BBS9: variants seen among roughly 807,000 people sequenced by gnomAD.
BBS9 encodes the protein Bardet-Biedl syndrome 9.
In BBS9, 89 loss-of-function variants were observed where a neutral mutation model predicts 117.7. That is an observed-to-expected ratio of 0.76 (90% CI 0.64 to 0.90). The LOEUF (loss-of-function observed/expected upper bound fraction) is 0.90, where lower values mean the gene tolerates loss of function less well. Among genes scored for constraint, BBS9 ranks in the 40% least tolerant of loss-of-function variants. The pLI, the probability that BBS9 is intolerant of heterozygous loss-of-function variation, is 0.00. For missense variants in BBS9, 982 were observed against 1,042.2 expected, an observed-to-expected ratio of 0.94 and a Z score of 0.80; for synonymous variants, 379 against 370.9, an observed-to-expected ratio of 1.02 and a Z score of -0.25.
At chr7:33,599,232 A>G (rs891865866) in intron 21 of BBS9, among the ~76,000 whole-genome samples, 3 of 152,232 alleles carry the variant, frequency 2.0e-5, no homozygotes, top group Admixed American at 2.0e-4. Flanking sequence ...AGTAAAATAG[A>G]TTAGCCAACT....
chr7:33,143,335 A>G (rs1791817974), intron 1 of BBS9, among the ~76,000 whole-genome samples: 1 of 151,982 alleles, frequency 6.6e-6, no homozygotes, highest in South Asian at 2.1e-4. Context: ...TTATATTCCC[A>G]CCAACAGCGT....
chr7:33,267,492 A>G (rs1261061051), intron 7 of BBS9, among the ~76,000 whole-genome samples: 1 of 147,298 alleles, frequency 6.8e-6, no homozygotes, highest in Non-Finnish European at 1.5e-5. Flanking sequence ...ATTCTATTTT[A>G]TCTTTGTTGG....
At chr7:33,566,580 G>A (rs969098220) in intron 21 of BBS9, among the ~76,000 whole-genome samples, 1 of 151,962 alleles carries the variant, frequency 6.6e-6, no homozygotes, top group African/African-American at 2.4e-5. Flanking sequence ...TGATTTGAAA[G>A]GTAGAGATAA....
chr7:33,177,381 T>C (rs1583483013), intron 4 of BBS9, 97 bp from the exon 5 acceptor site: 1 of 812,142 alleles, frequency 1.2e-6, no homozygotes, highest in East Asian at 2.6e-5. Flanking sequence ...CATTATAATT[T>C]CCCTAAAATT....
chr7:33,564,302 A>C (rs1856539247), intron 21 of BBS9, among the ~76,000 whole-genome samples: 1 of 152,210 alleles, frequency 6.6e-6, no homozygotes, highest in South Asian at 2.1e-4. Flanking sequence ...AAGGGATTTT[A>C]ATACAACACA....
chr7:33,610,564 A>T (rs559947569), downstream of BBS9, among the ~76,000 whole-genome samples: 12 of 152,216 alleles, frequency 7.9e-5, no homozygotes, highest in Admixed American at 7.9e-4. Flanking sequence ...TAATGAACCC[A>T]CTTTCAAGAT....
intron 21 of BBS9, among the ~76,000 whole-genome samples, chr7:33,548,311 G>T (rs1853750488): frequency 6.6e-6 from 1 of 152,040 alleles, no homozygotes; most frequent in Admixed American, 6.5e-5. Context: ...TCTGTAAAAT[G>T]CCCATTTTTA....
chr7:33,351,194 T>A lies in BBS9; in HGVS notation c.1433-25T>A, dbSNP rs745755186. The A allele has an allele frequency of 2.7e-6, 4 of 1,480,682 alleles. No homozygotes were observed. In the South Asian group the frequency reaches 3.4e-5, roughly 13 times the overall value. The allele number at this position is 1,480,682 out of a possible 1,614,324, so 91.7% of individuals were successfully genotyped here. A position where few individuals can be genotyped will look rare whatever the true frequency, so the allele number is the denominator to read the frequency against. On this transcript the variant is annotated intron_variant, in intron 13 of 22. Coordinates refer to ENST00000242067, the MANE Select transcript of BBS9 (RefSeq NM_198428.3). ...AACAGTTGCCCCAAATTATGTAATT[T>A]ATATTATTTTTACATTGCTTATAGC...
chr7:33,425,679 G>A (rs566793129), intron 19 of BBS9, among the ~76,000 whole-genome samples: 3 of 152,326 alleles, frequency 2.0e-5, no homozygotes, highest in African/African-American at 4.8e-5. Flanking sequence ...AACTAAAGGC[G>A]CTGTTATGAG....
intron 21 of BBS9, among the ~76,000 whole-genome samples, chr7:33,611,877 C>A (rs1864898135): frequency 1.4e-5 from 2 of 139,478 alleles, no homozygotes; most frequent in East Asian, 2.1e-4. Context: ...AAATATAATC[C>A]TTTAATATTA....
chr7:33,438,262 C>A (rs910276586), intron 19 of BBS9, among the ~76,000 whole-genome samples: 1 of 152,106 alleles, frequency 6.6e-6, no homozygotes, highest in Non-Finnish European at 1.5e-5. Flanking sequence ...ATATTTTTAA[C>A]CTCAGGGTAG....
chr7:33,304,922 A>G lies in BBS9; in HGVS notation c.1016+30966A>G, dbSNP rs574678541. Among the ~76,000 whole-genome samples, 157 of 152,222 alleles carry G rather than the reference A, an allele frequency of 1.0e-3. 1 individual carries two copies. Among genetic ancestry groups the G allele is most frequent in the Non-Finnish European group, 1.8e-3 (123 of 67,994 alleles). The stretch of plus-strand genomic sequence containing the variant: ...GTGCAAGATGTGCTTTGTTAAACAG[A>G]TGCTTGAAGGCAGCATGCTCGTTAA... On this transcript the variant is annotated intron_variant, in intron 9 of 22. Transcript: ENST00000242067.
intron 5 of BBS9, among the ~76,000 whole-genome samples, chr7:33,219,055 G>GC (rs1165556018): frequency 1.3e-5 from 2 of 152,226 alleles, no homozygotes; most frequent in African/African-American, 4.8e-5. Context: ...GGCTTGGCGG[G>GC]CCCCGCACTC....
chr7:33,628,020 C>CA (rs1260878158), intron 21 of BBS9, among the ~76,000 whole-genome samples: 3 of 150,982 alleles, frequency 2.0e-5, no homozygotes, highest in Middle Eastern at 3.4e-3. Context: ...GACTCTGTCT[C>CA]AAAAAAAAAT....
chr7:33,278,535 A>G (rs1425603342), intron 9 of BBS9, among the ~76,000 whole-genome samples: 17 of 152,208 alleles, frequency 1.1e-4, no homozygotes, highest in Non-Finnish European at 4.4e-5. Flanking sequence ...TCCTGAGACT[A>G]GATGAGTTCA....
intron 4 of BBS9, among the ~76,000 whole-genome samples, chr7:33,159,179 CTTGAT>C (rs1244304424): frequency 6.6e-6 from 1 of 152,048 alleles, no homozygotes; most frequent in Non-Finnish European, 1.5e-5. Flanking sequence ...TTAGGCTAAA[CTTGAT>C]TTAACAATTT....
intron 9 of BBS9, among the ~76,000 whole-genome samples, chr7:33,311,291 A>G (rs1809171552): frequency 6.6e-6 from 1 of 152,122 alleles, no homozygotes; most frequent in Non-Finnish European, 1.5e-5. Flanking sequence ...GGTCTGTTCA[A>G]AGGGTTTTGA....
At chr7:33,326,565 T>C (rs771078907) in intron 9 of BBS9, among the ~76,000 whole-genome samples, 19 of 152,060 alleles carry the variant, frequency 1.2e-4, no homozygotes, top group Non-Finnish European at 2.1e-4. Context: ...GTCTCCCCCA[T>C]GGCCTTTGCA....
chr7:33,524,300 A>G (rs1428973269), intron 20 of BBS9, among the ~76,000 whole-genome samples: 1 of 151,920 alleles, frequency 6.6e-6, no homozygotes, highest in Admixed American at 6.6e-5. Context: ...TTTTCTGTTG[A>G]TTGGAATAGT....
Sources: gnomAD v4.1 joint callset for allele counts (sites outside exome capture counted in the v4.1 genomes callset) on GRCh38, gnomAD v4.1.1 for gene constraint, MANE v1.5 for transcripts, NCBI Gene and HGNC (gene_info 2026-07-23, HGNC 2026-07-21) for gene names.